The following PLCG2 variants were observed in gnomAD, a reference collection of about 807,000 sequenced individuals.
The protein encoded by PLCG2 is phospholipase C gamma 2, also known as 1-phosphatidylinositol 4,5-bisphosphate phosphodiesterase gamma-2.
Under a neutral mutation model 175.6 loss-of-function variants are expected in PLCG2, and 69 were observed. The ratio of observed to expected loss-of-function variants is 0.39; its 90% confidence interval spans 0.32 to 0.48. The LOEUF is 0.48. Among genes scored for constraint, PLCG2 ranks in the 20% least tolerant of loss-of-function variants. PLCG2 has a pLI of 0.91. For synonymous variants in PLCG2, 827 were observed against 624.0 expected, an observed-to-expected ratio of 1.33 and a Z score of -4.85; for missense variants, 1,798 against 1,650.9, an observed-to-expected ratio of 1.09 and a Z score of -1.54.
intron 2 of PLCG2, among the ~76,000 whole-genome samples, chr16:81,758,264 C>T (rs143353359): frequency 6.6e-6 from 1 of 152,200 alleles, no homozygotes; most frequent in Non-Finnish European, 1.5e-5. Flanking sequence ...AGGTGTGAAC[C>T]CTCGTGCCCA....
chr16:81,956,904 A>C (rs1369154011), intron 32 of PLCG2, 25 bp downstream of exon 32: 1 of 1,603,780 alleles, frequency 6.2e-7, no homozygotes, highest in South Asian at 1.1e-5. Flanking sequence ...CCACCTGCAA[A>C]AACTTTTGGG....
chr16:81,884,987 A>G (rs1908283549), intron 9 of PLCG2, among the ~76,000 whole-genome samples: 1 of 151,994 alleles, frequency 6.6e-6, no homozygotes, highest in African/African-American at 2.4e-5. Flanking sequence ...TCCTGGGCTC[A>G]ACCGATCCTC....
At chr16:81,821,512 G>T (rs1019321657) in intron 2 of PLCG2, among the ~76,000 whole-genome samples, 1 of 152,306 alleles carries the variant, frequency 6.6e-6, no homozygotes, top group Non-Finnish European at 1.5e-5. Flanking sequence ...GGCAGCCGTT[G>T]CCTCTTCTAA....
chr16:81,786,046 G>A lies in PLCG2; in HGVS notation c.57G>A (p.Lys19=), dbSNP rs369542354. Reference sequence around the variant, plus strand: ...CGGAATATGAGAAGAGCCAGATCAAGAGAGCCCTGGAGCTGGGGACGGTGA... The same window carrying A: ...CGGAATATGAGAAGAGCCAGATCAAAAGAGCCCTGGAGCTGGGGACGGTGA... ...SLAEYEKSQI[K]RALELGTVMT... Residue 19 remains lysine (K), a synonymous_variant, in exon 2 of 33, where the codon AAG becomes AAA. Transcript: ENST00000564138. The A allele has an allele frequency of 3.8e-4, 620 of 1,614,080 alleles. 1 individual carries two copies. The highest frequency in any genetic ancestry group is 4.0e-4 in the Non-Finnish European group (475 of 1,180,024).
chr16:81,933,034 A>G (rs1259487142), intron 25 of PLCG2, among the ~76,000 whole-genome samples: 1 of 152,192 alleles, frequency 6.6e-6, no homozygotes, highest in Non-Finnish European at 1.5e-5. Context: ...CTTAATGTGG[A>G]AAAGTGTTAT....
intron 1 of PLCG2, among the ~76,000 whole-genome samples, chr16:81,740,046 G>GAGA (rs565148039): frequency 3.0e-4 from 45 of 148,912 alleles, no homozygotes; most frequent in African/African-American, 9.9e-4. Flanking sequence ...GCTGAGGCAG[G>GAGA]AGAATCACTT....
Position 81,928,748 on chromosome 16 carries a change from G to A in PLCG2, c.2581+124G>A. 3 of 697,178 alleles carry A rather than the reference G, an allele frequency of 4.3e-6. No individual in the cohort carries two copies. The East Asian group carries it at 7.5e-5, about 17-fold the overall frequency. 43.2% of individuals were successfully genotyped at this position (697,178 alleles called of 1,614,324 possible). A position where few individuals can be genotyped will look rare whatever the true frequency, so the allele number is the denominator to read the frequency against. ...TGTCTTGAATGCCAGCTCCTTCCCT[G>A]GCTGAAGCTGAGTATTTAGGTCAGG... is the stretch of plus-strand genomic sequence containing the variant. On this transcript the variant is annotated intron_variant, in intron 24 of 32. Transcript: ENST00000564138.
At chr16:81,763,651 T>G (rs1049904027) in intron 2 of PLCG2, among the ~76,000 whole-genome samples, 11 of 152,196 alleles carry the variant, frequency 7.2e-5, no homozygotes, top group Non-Finnish European at 1.6e-4. Flanking sequence ...TTTTACTACA[T>G]TCTATTGAGG....
At chr16:81,870,134 A>T (rs545641582) in intron 6 of PLCG2, among the ~76,000 whole-genome samples, 1 of 152,338 alleles carries the variant, frequency 6.6e-6, no homozygotes, top group South Asian at 2.1e-4. Context: ...GAAAAAGAGA[A>T]AAGGGTAGGT....
At position 81,908,460 on chromosome 16, in the gene PLCG2, C is replaced by A. The variant is rs375195776; in HGVS notation, c.1602C>A (p.His534Gln). Residue 534 changes from histidine to glutamine, a missense_variant, in exon 17 of 33, where the codon CAC (histidine) becomes CAA (glutamine). His to Gln is a conservative substitution (Grantham distance 24). Coordinates refer to ENST00000564138, the MANE Select transcript of PLCG2 (RefSeq NM_002661.5). Reference sequence around the variant, plus strand: ...TACATTTTGGGGAGAAATGGTTCCACAAGAAGGTGGAGAAGAGGACGAGTG... The same window carrying A: ...TACATTTTGGGGAGAAATGGTTCCAAAAGAAGGTGGAGAAGAGGACGAGTG... Reference protein sequence around the residue: ...TELHFGEKWFHKKVEKRTSAE... With the variant: ...TELHFGEKWFQKKVEKRTSAE... 2.6e-5 allele frequency: 42 copies of A among 1,614,008 alleles called. No individual in the cohort carries two copies. Among genetic ancestry groups the A allele is most frequent in the Non-Finnish European group, 3.5e-5 (41 of 1,180,024 alleles).
At chr16:81,860,510 C>A (rs745777779) in intron 5 of PLCG2, among the ~76,000 whole-genome samples, 6 of 152,054 alleles carry the variant, frequency 3.9e-5, no homozygotes, top group Non-Finnish European at 7.4e-5. Flanking sequence ...CAAGAGGGCA[C>A]CCTTTCCTGA....
chr16:81,840,684 C>G (rs1038309044), intron 2 of PLCG2, among the ~76,000 whole-genome samples: 2 of 152,130 alleles, frequency 1.3e-5, no homozygotes, highest in African/African-American at 2.4e-5. Context: ...AGGTGGAGCT[C>G]AGGCAGTAAT....
rs34004978 is a variant in PLCG2, at chr16:81,930,747, CAA to C, written c.2582-735_2582-734del. On this transcript the variant is annotated intron_variant, in intron 24 of 32. Coordinates refer to ENST00000564138, the MANE Select transcript of PLCG2 (RefSeq NM_002661.5). ...TGGGTGACAGAGTGCCACCCTGTCT[CAA>C]AAAAAAAAAAAAAAGCCATTTAAAT... Among the ~76,000 whole-genome samples, 827 of 125,782 alleles carry C rather than the reference CAA, an allele frequency of 6.6e-3. 4 individuals are homozygous for C. The highest frequency in any genetic ancestry group is 9.9e-3 in the Admixed American group (119 of 11,966). The allele number at this position is 125,782 out of a possible 152,430, so 82.5% of individuals were successfully genotyped here. A position where few individuals can be genotyped will look rare whatever the true frequency, so the allele number is the denominator to read the frequency against.
chr16:81,869,062 T>A, intron 5 of PLCG2, 152 bp from the exon 6 acceptor site: 1 of 673,272 alleles, frequency 1.5e-6, no homozygotes, highest in Non-Finnish European at 2.7e-6. Flanking sequence ...TTACCTTGAC[T>A]CAATGTCTTG....
intron 31 of PLCG2, among the ~76,000 whole-genome samples, chr16:81,953,905 G>A (rs754819369): frequency 7.9e-5 from 12 of 152,134 alleles, no homozygotes; most frequent in Non-Finnish European, 1.3e-4. Flanking sequence ...TTGAACTTGC[G>A]CCCGAATAAC....
intron 2 of PLCG2, among the ~76,000 whole-genome samples, chr16:81,810,153 A>T (rs1223511825): frequency 6.6e-6 from 1 of 152,012 alleles, no homozygotes; most frequent in Non-Finnish European, 1.5e-5. Context: ...CACCACGCCC[A>T]GCTAATTTTG....
chr16:81,825,905 T>A (rs922324652), intron 2 of PLCG2, among the ~76,000 whole-genome samples: 1 of 152,112 alleles, frequency 6.6e-6, no homozygotes, highest in Non-Finnish European at 1.5e-5. Context: ...GGGTGTTAGG[T>A]GGATCGTAGA....
chr16:81,780,226 G>T (rs1457036780), intron 1 of PLCG2, among the ~76,000 whole-genome samples: 4 of 152,178 alleles, frequency 2.6e-5, no homozygotes, highest in South Asian at 2.1e-4. Context: ...TTGAATTTCA[G>T]TTCCATCAGT....
chr16:81,843,839 G>A (rs2143435597), intron 2 of PLCG2, among the ~76,000 whole-genome samples: 1 of 152,356 alleles, frequency 6.6e-6, no homozygotes, highest in East Asian at 1.9e-4. Flanking sequence ...GAATGGGCAG[G>A]ATGCCGGGTT....
Sources: allele counts gnomAD v4.1 joint callset (sites outside exome capture counted in the v4.1 genomes callset), GRCh38; gene constraint gnomAD v4.1.1; transcripts MANE v1.5; gene names NCBI Gene and HGNC (gene_info 2026-07-23, HGNC 2026-07-21).